PCDH15: variants seen among roughly 807,000 people sequenced by gnomAD.
The protein encoded by PCDH15 is protocadherin related 15, also known as protocadherin-15.
A neutral mutation model predicts 178.5 loss-of-function variants in PCDH15; 129 were observed. That is an observed-to-expected ratio of 0.72 (90% CI 0.63 to 0.84). The LOEUF is 0.84. PCDH15 is among the 40% of genes least tolerant of loss of function. The probability of loss-of-function intolerance (pLI) is 0.00; values close to 1 mark genes in which losing one functional copy is unlikely to be tolerated. For synonymous variants in PCDH15, 800 were observed against 732.0 expected (o/e 1.09, Z -1.50); for missense variants, 2,230 against 2,099.9 (o/e 1.06, Z -1.21).
intron 15 of PCDH15, among the ~76,000 whole-genome samples, chr10:54,118,901 T>C (rs1001157927): frequency 4.0e-5 from 6 of 151,894 alleles, no homozygotes; most frequent in Non-Finnish European, 8.8e-5. Flanking sequence ...TCCAATGGAA[T>C]TATGAAGAAT....
chr10:55,614,865 C>A (rs1317309244), intron 2 of PCDH15, among the ~76,000 whole-genome samples: 1 of 152,106 alleles, frequency 6.6e-6, no homozygotes, highest in Non-Finnish European at 1.5e-5. Flanking sequence ...AGGAGGGTGA[C>A]AGTTTACCCT....
chr10:54,373,122 A>G (rs1009134568), intron 4 of PCDH15, among the ~76,000 whole-genome samples: 2 of 152,050 alleles, frequency 1.3e-5, no homozygotes, highest in East Asian at 3.9e-4. Flanking sequence ...TTAGCAGTTT[A>G]GATTATAGCA....
chr10:54,018,460 G>A (rs768156293), intron 20 of PCDH15, among the ~76,000 whole-genome samples: 6 of 151,964 alleles, frequency 3.9e-5, no homozygotes, highest in Non-Finnish European at 8.8e-5. Context: ...AACACATAAT[G>A]GACTTTAACT....
In PCDH15 at chr10:54,600,466, G is replaced by A. The variant is rs539134609; in HGVS notation, c.91+63706C>T. ...AAGCCCAGCAGATGAAAAGAAGGGG[G>A]ATGATAAAAATGAAGATAAAGTGGT... On this transcript the variant is annotated intron_variant, in intron 2 of 37. Transcript: ENST00000644397. 7 of 578,402 alleles carry A rather than the reference G, an allele frequency of 1.2e-5. No individual in the cohort carries two copies. The East Asian group carries it at 2.3e-4, about 19-fold the overall frequency. The allele number at this position is 578,402 out of a possible 1,614,324, so 35.8% of individuals were successfully genotyped here.
intron 2 of PCDH15, among the ~76,000 whole-genome samples, chr10:55,439,835 G>A (rs1339155104): frequency 6.6e-6 from 1 of 152,026 alleles, no homozygotes; most frequent in Non-Finnish European, 1.5e-5. Context: ...TTTTAGTGTG[G>A]AGGCAAACAC....
At chr10:54,617,081 G>C (rs1226473189) in intron 2 of PCDH15, among the ~76,000 whole-genome samples, 1 of 150,424 alleles carries the variant, frequency 6.6e-6, no homozygotes, top group African/African-American at 2.4e-5. Flanking sequence ...TTTTTAAGTA[G>C]AGACTGGATT....
chr10:55,228,425 A>G (rs1841115721), intron 1 of PCDH15, among the ~76,000 whole-genome samples: 1 of 152,082 alleles, frequency 6.6e-6, no homozygotes, highest in Admixed American at 6.5e-5. Flanking sequence ...TTTTACTATA[A>G]GCTTCGTAAG....
intron 8 of PCDH15, among the ~76,000 whole-genome samples, chr10:54,312,440 T>C (rs983312621): frequency 6.6e-6 from 1 of 152,068 alleles, no homozygotes; most frequent in Non-Finnish European, 1.5e-5. Flanking sequence ...ACACCCCTCA[T>C]ATAGGGAGGT....
At chr10:54,232,182 T>A (rs2054145555) in intron 9 of PCDH15, among the ~76,000 whole-genome samples, 1 of 152,104 alleles carries the variant, frequency 6.6e-6, no homozygotes, top group Non-Finnish European at 1.5e-5. Flanking sequence ...GGGGGGAAAT[T>A]TCCCCCTTGC....
intron 2 of PCDH15, among the ~76,000 whole-genome samples, chr10:54,962,481 G>A (rs1838681744): frequency 6.6e-6 from 1 of 152,198 alleles, no homozygotes; most frequent in Non-Finnish European, 1.5e-5. Flanking sequence ...CCAGACCTTG[G>A]GGCTCCCTGA....
At chr10:54,693,278 A>G (rs940834355) in intron 1 of PCDH15, among the ~76,000 whole-genome samples, 7 of 152,038 alleles carry the variant, frequency 4.6e-5, no homozygotes, top group African/African-American at 1.7e-4. Flanking sequence ...CCTGAAAGTA[A>G]GTTACACTGT....
chr10:54,321,623 T>G (rs993963601), intron 7 of PCDH15, among the ~76,000 whole-genome samples: 2 of 151,978 alleles, frequency 1.3e-5, no homozygotes, highest in African/African-American at 2.4e-5. Flanking sequence ...TCTTTCAGTC[T>G]GTCAGCATCA....
chr10:54,501,381 A>G (rs995390817), intron 3 of PCDH15, among the ~76,000 whole-genome samples: 1 of 152,118 alleles, frequency 6.6e-6, no homozygotes, highest in African/African-American at 2.4e-5. Context: ...AGACTAAATT[A>G]TCTCTCTAAT....
At chr10:55,054,368 T>C (rs570497889) in intron 2 of PCDH15, among the ~76,000 whole-genome samples, 1 of 152,326 alleles carries the variant, frequency 6.6e-6, no homozygotes, top group South Asian at 2.1e-4. Context: ...CATTCATTTT[T>C]ATGGCTGCAT....
chr10:55,279,425 C>T (rs562011177), intron 1 of PCDH15, among the ~76,000 whole-genome samples: 128 of 152,196 alleles, frequency 8.4e-4, no homozygotes, highest in African/African-American at 3.0e-3. Context: ...ATTAGATTTC[C>T]TTTGAAATGA....
chr10:54,688,354 T>G (rs2095053392), intron 1 of PCDH15, among the ~76,000 whole-genome samples: 1 of 152,124 alleles, frequency 6.6e-6, no homozygotes, highest in Non-Finnish European at 1.5e-5. Context: ...CAAATGGGAT[T>G]GCTATTATGT....
intron 2 of PCDH15, among the ~76,000 whole-genome samples, chr10:55,593,293 T>C (rs1218408018): frequency 6.6e-6 from 1 of 152,020 alleles, no homozygotes; most frequent in South Asian, 2.1e-4. Flanking sequence ...TGTTAGGTAA[T>C]ATTTTCACTA....
At chr10:53,964,417 T>TTTTATTTATTCATAAAATTTTTATAAAA (rs1175924258) in intron 21 of PCDH15, among the ~76,000 whole-genome samples, 1 of 132,584 alleles carries the variant, frequency 7.5e-6, no homozygotes, top group Non-Finnish European at 1.8e-5. Flanking sequence ...TTTTTATAAA[T>TTTTATTTATTCATAAAATTTTTATAAAA]TTTATTTATT....
At chr10:55,222,860 T>C (rs551489525) in intron 1 of PCDH15, among the ~76,000 whole-genome samples, 7 of 151,618 alleles carry the variant, frequency 4.6e-5, no homozygotes, top group East Asian at 1.9e-4. Context: ...GCATCTTGAA[T>C]TGAGACCAAA....
Sources: allele counts gnomAD v4.1 joint callset (sites outside exome capture counted in the v4.1 genomes callset), GRCh38; gene constraint gnomAD v4.1.1; transcripts MANE v1.5; gene names NCBI Gene and HGNC (gene_info 2026-07-23, HGNC 2026-07-21).